SNX25: variants seen among roughly 807,000 people sequenced by gnomAD.
The protein encoded by SNX25 is sorting nexin-25.
SNX25 carries 62 observed loss-of-function variants against 113.7 expected under a neutral mutation model. That is an observed-to-expected ratio of 0.55 (90% CI 0.44 to 0.67). The LOEUF (loss-of-function observed/expected upper bound fraction) is 0.67. Among genes scored for constraint, SNX25 ranks in the 30% least tolerant of loss-of-function variants. SNX25 has a pLI of 0.00. For synonymous variants in SNX25, 421 were observed against 436.2 expected, an observed-to-expected ratio of 0.97 and a Z score of 0.43; for missense variants, 1,014 against 1,161.0, an observed-to-expected ratio of 0.87 and a Z score of 1.84.
chr4:185,354,037 G>A (rs1253163992), intron 15 of SNX25, among the ~76,000 whole-genome samples: 11 of 137,364 alleles, frequency 8.0e-5, no homozygotes, highest in East Asian at 2.1e-4. Flanking sequence ...GCGAGACTCC[G>A]TCTCAAAAAA....
chr4:185,357,554 C>G (rs989995187), intron 15 of SNX25, 117 bp from the exon 16 acceptor site: 5 of 851,904 alleles, frequency 5.9e-6, no homozygotes, highest in Admixed American at 2.0e-5. Flanking sequence ...ATAGCCATGA[C>G]TTGATGGCAG....
intron 12 of SNX25, 141 bp from the exon 13 acceptor site, chr4:185,346,396 T>G (rs1282502671): frequency 1.6e-6 from 1 of 624,332 alleles, no homozygotes; most frequent in Non-Finnish European, 2.8e-6. Context: ...TCTTCGAGCC[T>G]CATTAAGATG....
At position 185,339,416 on chromosome 4, in the gene SNX25, A is replaced by G. The variant is rs1301111777; in HGVS notation, c.1952A>G (p.Glu651Gly). Reference protein sequence around the residue: ...SKLKDEIILIEKERTDLQLHM... With the variant: ...SKLKDEIILIGKERTDLQLHM... ...TTGAAGGATGAAATAATCCTAATAG[A>G]GAAAGAACGCACAGACCTTCAGCTG... is the stretch of plus-strand genomic sequence containing the variant. Residue 651 changes from glutamate (E) to glycine (G), a missense_variant, in exon 11 of 19, where the codon GAG becomes GGG. Transcript: ENST00000652585. The G allele has an allele frequency of 6.2e-7, 1 of 1,614,132 alleles. No individual in the cohort carries two copies.
chr4:185,321,055 A>G lies in SNX25; in HGVS notation c.1476+191A>G, dbSNP rs149225991. On this transcript the variant is annotated intron_variant, in intron 8 of 18. Transcript: ENST00000652585. ...ATATTTTTACAGAAGATTCTTTTGA[A>G]TGTGTAGTCAAGGGAAAAAAGGTTT... 9.2e-5 allele frequency among the ~76,000 whole-genome samples: 14 copies of G among 152,294 alleles called. No individual in the cohort carries two copies. The East Asian group carries it at 2.5e-3, about 27-fold the overall frequency.
At chr4:185,257,383 G>A (rs1163535670) in intron 2 of SNX25, among the ~76,000 whole-genome samples, 3 of 152,004 alleles carry the variant, frequency 2.0e-5, no homozygotes, top group Non-Finnish European at 2.9e-5. Context: ...TTCTAAATAG[G>A]CTTTAGAAAC....
chr4:185,348,703 A>G (rs901457513), intron 13 of SNX25, among the ~76,000 whole-genome samples: 2 of 152,114 alleles, frequency 1.3e-5, no homozygotes, highest in African/African-American at 2.4e-5. Flanking sequence ...AGCCACATTT[A>G]TCATTTCTTC....
At chr4:185,263,495 T>A (rs1474097249) in intron 3 of SNX25, among the ~76,000 whole-genome samples, 1 of 152,218 alleles carries the variant, frequency 6.6e-6, no homozygotes, top group Non-Finnish European at 1.5e-5. Context: ...ATAGAATTCC[T>A]TCAGGTTGTA....
chr4:185,319,388 G>A (rs1457816217), intron 7 of SNX25, among the ~76,000 whole-genome samples: 1 of 148,964 alleles, frequency 6.7e-6, no homozygotes, highest in Non-Finnish European at 1.5e-5. Context: ...TAGTAGAGAC[G>A]GGGTTTCTCC....
At chr4:185,227,982 C>G (rs894856671) in intron 1 of SNX25, among the ~76,000 whole-genome samples, 2 of 152,044 alleles carry the variant, frequency 1.3e-5, no homozygotes, top group Admixed American at 6.6e-5. Flanking sequence ...GAGAGAAGCT[C>G]AGAGAGTAAG....
intron 6 of SNX25, among the ~76,000 whole-genome samples, chr4:185,308,962 T>C (rs1050764883): frequency 1.4e-4 from 22 of 152,228 alleles, no homozygotes; most frequent in African/African-American, 4.6e-4. Flanking sequence ...CCCTAAAACA[T>C]AGTGTCTTTA....
chr4:185,313,393 A>C (rs1417924604), intron 7 of SNX25, among the ~76,000 whole-genome samples: 1 of 152,216 alleles, frequency 6.6e-6, no homozygotes, highest in Non-Finnish European at 1.5e-5. Context: ...CAATCAATAA[A>C]GAGACCTTTA....
At chr4:185,284,598 G>T (rs1414850759) in intron 5 of SNX25, among the ~76,000 whole-genome samples, 2 of 152,216 alleles carry the variant, frequency 1.3e-5, no homozygotes, top group Non-Finnish European at 2.9e-5. Flanking sequence ...AAACGAAGTT[G>T]TTGGATAGTA....
intron 7 of SNX25, among the ~76,000 whole-genome samples, chr4:185,314,908 A>G (rs1398796182): frequency 6.7e-6 from 1 of 150,274 alleles, no homozygotes; most frequent in Non-Finnish European, 1.5e-5. Context: ...AATAACCCAC[A>G]ATTTATTGAA....
chr4:185,361,908 CTT>C lies in SNX25; in HGVS notation c.2652-12_2652-11del, dbSNP rs1195925802. 1 of 1,610,518 alleles carries C rather than the reference CTT, an allele frequency of 6.2e-7. No homozygotes were observed. The highest frequency in any genetic ancestry group is 8.5e-7 in the Non-Finnish European group (1 of 1,178,210). ...TTTTTAAAAACCTCATCCAAGAAAT[CTT>C]TTTCTCTTAAAAGACAAATCCGGGA... On this transcript the variant is annotated splice_polypyrimidine_tract_variant and intron_variant, in intron 16 of 18. Transcript: ENST00000652585.
At chr4:185,243,765 TG>T (rs1458947789) in intron 1 of SNX25, among the ~76,000 whole-genome samples, 1 of 152,152 alleles carries the variant, frequency 6.6e-6, no homozygotes, top group Non-Finnish European at 1.5e-5. Context: ...GCATGTTACA[TG>T]TAAGTATGAA....
chr4:185,374,789 G>GA (rs1311823528), downstream of SNX25, among the ~76,000 whole-genome samples: 1 of 152,008 alleles, frequency 6.6e-6, no homozygotes, highest in Non-Finnish European at 1.5e-5. Flanking sequence ...CCCTTATCCT[G>GA]AATCAGCACA....
chr4:185,306,869 A>G (rs990975230), intron 6 of SNX25, among the ~76,000 whole-genome samples: 1 of 152,220 alleles, frequency 6.6e-6, no homozygotes, highest in Admixed American at 6.5e-5. Flanking sequence ...CCTCCCACAA[A>G]GGAGTCTCTG....
intron 5 of SNX25, among the ~76,000 whole-genome samples, chr4:185,282,111 G>C (rs111613424): frequency 0.023 from 3,575 of 152,196 alleles, 129 homozygotes; most frequent in African/African-American, 0.078. Context: ...TTATAAAACA[G>C]TGTTTTAAAC....
chr4:185,216,665 G>A (rs1218273223), intron 1 of SNX25, among the ~76,000 whole-genome samples: 2 of 151,740 alleles, frequency 1.3e-5, no homozygotes, highest in South Asian at 2.1e-4. Context: ...GATGATAGGC[G>A]CCCGCCACCA....
Sources: gnomAD v4.1 joint callset for allele counts (sites outside exome capture counted in the v4.1 genomes callset) on GRCh38, gnomAD v4.1.1 for gene constraint, MANE v1.5 for transcripts, NCBI Gene and HGNC (gene_info 2026-07-23, HGNC 2026-07-21) for gene names.